Variants in KCNMA1 observed in about 807,000 individuals in gnomAD.
KCNMA1 encodes potassium calcium-activated channel subfamily M alpha 1.
A neutral mutation model predicts 140.0 loss-of-function variants in KCNMA1; 29 were observed. The observed-to-expected ratio is 0.21, with a 90% CI of 0.15 to 0.28. The LOEUF is 0.28. Among genes scored for constraint, KCNMA1 ranks in the 10% least tolerant of loss-of-function variants. The pLI is 1.00. For synonymous variants in KCNMA1, 612 were observed against 611.9 expected (o/e 1.00, Z 0.00); for missense variants, 880 against 1,602.2 (o/e 0.55, Z 7.70).
chr10:77,409,736 G>A (rs1030581942), intron 1 of KCNMA1, among the ~76,000 whole-genome samples: 1 of 152,196 alleles, frequency 6.6e-6, no homozygotes, highest in Non-Finnish European at 1.5e-5. Flanking sequence ...AGATTTGGCT[G>A]TCTCCGTCTC....
chr10:77,242,935 CACACAG>C (rs1457744137), intron 3 of KCNMA1, among the ~76,000 whole-genome samples: 15 of 144,696 alleles, frequency 1.0e-4, no homozygotes, highest in African/African-American at 2.7e-4. Flanking sequence ...CACACACACA[CACACAG>C]AGTCTTTCTC....
At chr10:76,969,287 A>AAAGAAGGAAGGAGGGAAGGAAGGAAGGG (rs2075186620) in intron 20 of KCNMA1, among the ~76,000 whole-genome samples, 2 of 110,152 alleles carry the variant, frequency 1.8e-5, no homozygotes, top group African/African-American at 7.5e-5. Context: ...GGAAGAAGGG[A>AAAGAAGGAAGGAGGGAAGGAAGGAAGGG]AGGAAGGAAG....
chr10:76,878,817 T>C (rs2033295879), intron 29 of KCNMA1, among the ~76,000 whole-genome samples: 1 of 152,146 alleles, frequency 6.6e-6, no homozygotes, highest in East Asian at 1.9e-4. Context: ...TCCCCACCTC[T>C]TTCTAGGATT....
intron 18 of KCNMA1, among the ~76,000 whole-genome samples, chr10:77,009,933 T>A (rs188865925): frequency 6.6e-6 from 1 of 152,172 alleles, no homozygotes; most frequent in Admixed American, 6.5e-5. Flanking sequence ...TCATGGTTTG[T>A]CTCCATTCAC....
intron 9 of KCNMA1, chr10:77,090,721 A>G (rs1440760600): frequency 8.4e-6 from 5 of 594,276 alleles, no homozygotes; most frequent in Middle Eastern, 4.5e-4. Flanking sequence ...GAAAAGCCAT[A>G]TGGCTTCTCA....
At chr10:77,187,963 A>G (rs1297031352) in intron 3 of KCNMA1, among the ~76,000 whole-genome samples, 2 of 152,194 alleles carry the variant, frequency 1.3e-5, no homozygotes, top group African/African-American at 2.4e-5. Context: ...CTTTAAAAAA[A>G]GAATACATAT....
intron 1 of KCNMA1, among the ~76,000 whole-genome samples, chr10:77,582,906 C>T (rs950405732): frequency 2.0e-5 from 3 of 152,248 alleles, no homozygotes; most frequent in African/African-American, 7.2e-5. Context: ...GGCCCACTTC[C>T]TCTGACTCAT....
intron 1 of KCNMA1, among the ~76,000 whole-genome samples, chr10:77,590,992 A>C (rs1234679021): frequency 1.3e-5 from 2 of 152,202 alleles, no homozygotes; most frequent in East Asian, 3.9e-4. Flanking sequence ...GAGAAAACAG[A>C]AATAGAGCCA....
rs115401045 is a variant in KCNMA1 at position 77,111,052 on chromosome 10, T to G, written c.961-709A>C. Among the ~76,000 whole-genome samples the G allele has an allele frequency of 3.7e-3, 564 of 152,312 alleles. 5 individuals are homozygous for G. The highest frequency in any genetic ancestry group is 0.013 in the African/African-American group (540 of 41,566). Reference sequence around the variant, plus strand: ...AGTTTTGTGGGCGACACAGGTCCTGTTCAACTCTGCAGAGGCAAAACTTCA... The same window carrying G: ...AGTTTTGTGGGCGACACAGGTCCTGGTCAACTCTGCAGAGGCAAAACTTCA... On this transcript the variant is annotated intron_variant, in intron 7 of 27. Transcript: ENST00000286628.
intron 5 of KCNMA1, among the ~76,000 whole-genome samples, chr10:77,139,187 T>C (rs530022471): frequency 2.5e-4 from 38 of 152,340 alleles, no homozygotes; most frequent in African/African-American, 8.9e-4. Flanking sequence ...GTTAAACCCA[T>C]GGTTTTACTC....
At chr10:77,024,479 G>T (rs902181118) in intron 16 of KCNMA1, among the ~76,000 whole-genome samples, 2 of 152,006 alleles carry the variant, frequency 1.3e-5, no homozygotes, top group Non-Finnish European at 2.9e-5. Flanking sequence ...AGATGAACAA[G>T]TAGGCATCTC....
At chr10:76,894,523 A>G (rs1404384053) in intron 25 of KCNMA1, among the ~76,000 whole-genome samples, 9 of 152,224 alleles carry the variant, frequency 5.9e-5, no homozygotes, top group African/African-American at 2.2e-4. Flanking sequence ...GAAGGACACT[A>G]TCCAAAAAGT....
At chr10:77,488,953 C>T (rs887685591) in intron 1 of KCNMA1, among the ~76,000 whole-genome samples, 4 of 152,176 alleles carry the variant, frequency 2.6e-5, no homozygotes, top group African/African-American at 4.8e-5. Context: ...TGTGGCTAGC[C>T]GGCTCTTCCC....
At chr10:77,253,650 G>C (rs2060118224) in intron 2 of KCNMA1, among the ~76,000 whole-genome samples, 1 of 152,112 alleles carries the variant, frequency 6.6e-6, no homozygotes, top group Admixed American at 6.5e-5. Flanking sequence ...AAGAAATCCA[G>C]GAGGGAAATA....
intron 22 of KCNMA1, among the ~76,000 whole-genome samples, chr10:76,946,001 A>G (rs548843135): frequency 1.3e-5 from 2 of 152,304 alleles, no homozygotes; most frequent in African/African-American, 2.4e-5. Flanking sequence ...TTATAACAAG[A>G]ACATATTTGT....
At chr10:77,047,953 T>C (rs1258482302) in intron 14 of KCNMA1, among the ~76,000 whole-genome samples, 5 of 152,010 alleles carry the variant, frequency 3.3e-5, no homozygotes, top group African/African-American at 1.2e-4. Context: ...GGGTTTAGCT[T>C]TTATTTCTAA....
chr10:77,469,099 T>G (rs2098096889), intron 1 of KCNMA1, among the ~76,000 whole-genome samples: 2 of 152,206 alleles, frequency 1.3e-5, no homozygotes, highest in South Asian at 4.1e-4. Context: ...AGGTTTCTTT[T>G]GCTCTAGCCA....
At chr10:77,484,069 G>A (rs1176146623) in intron 1 of KCNMA1, among the ~76,000 whole-genome samples, 3 of 152,206 alleles carry the variant, frequency 2.0e-5, no homozygotes, top group Non-Finnish European at 2.9e-5. Flanking sequence ...GGCTCTTTGT[G>A]CCTGCAAGTC....
intron 3 of KCNMA1, among the ~76,000 whole-genome samples, chr10:77,191,601 C>G (rs1446890503): frequency 6.6e-6 from 1 of 152,154 alleles, no homozygotes; most frequent in Non-Finnish European, 1.5e-5. Context: ...AATAAAGCCT[C>G]TTCACTTTAT....
Sources: gnomAD v4.1 joint callset for allele counts (sites outside exome capture counted in the v4.1 genomes callset) on GRCh38, gnomAD v4.1.1 for gene constraint, MANE v1.5 for transcripts, NCBI Gene and HGNC (gene_info 2026-07-23, HGNC 2026-07-21) for gene names.